SLIT2: variants seen among roughly 807,000 people sequenced by gnomAD.
SLIT2 encodes the protein slit guidance ligand 2, also known as slit homolog 2 protein.
SLIT2 carries 41 observed loss-of-function variants against 185.7 expected under a neutral mutation model. The observed-to-expected ratio is 0.22, with a 90% CI of 0.17 to 0.29. The LOEUF (loss-of-function observed/expected upper bound fraction) is 0.29. Ranked by LOEUF, SLIT2 falls within the 10% of genes least tolerant of loss-of-function variation. The pLI is 1.00. For synonymous variants in SLIT2, 693 were observed against 680.2 expected (o/e 1.02, Z -0.29); for missense variants, 1,571 against 1,909.0 (o/e 0.82, Z 3.30).
At chr4:20,545,458 CATATAT>C (rs3836701) in intron 21 of SLIT2, among the ~76,000 whole-genome samples, 16 of 147,988 alleles carry the variant, frequency 1.1e-4, no homozygotes, top group East Asian at 5.9e-4. Flanking sequence ...ATTGCTGTTA[CATATAT>C]ATATATATAT....
At chr4:20,519,231 CA>C in intron 11 of SLIT2, 150 bp from the exon 12 acceptor site, 2 of 619,788 alleles carry the variant, frequency 3.2e-6, no homozygotes. Flanking sequence ...AGGCAAAAGA[CA>C]TTTGCAAATG....
intron 9 of SLIT2, among the ~76,000 whole-genome samples, chr4:20,493,436 C>T (rs1248783310): frequency 2.0e-5 from 3 of 152,112 alleles, no homozygotes; most frequent in Non-Finnish European, 4.4e-5. Flanking sequence ...CCTAAAGGCA[C>T]CATTAATTTT....
At chr4:20,530,268 A>G (rs1200797802) in intron 16 of SLIT2, among the ~76,000 whole-genome samples, 13 of 151,826 alleles carry the variant, frequency 8.6e-5, no homozygotes, top group Non-Finnish European at 2.9e-5. Context: ...TTCCAGCACA[A>G]TAGTACTTTT....
chr4:20,445,746 G>A (rs1323904977), intron 4 of SLIT2, among the ~76,000 whole-genome samples: 1 of 152,150 alleles, frequency 6.6e-6, no homozygotes. Context: ...AAGAAACATT[G>A]CGGTAGTGGA....
chr4:20,420,789 A>G (rs1728114280), intron 4 of SLIT2, among the ~76,000 whole-genome samples: 1 of 152,078 alleles, frequency 6.6e-6, no homozygotes, highest in Non-Finnish European at 1.5e-5. Context: ...TAGATGAGGT[A>G]ATGGGCCAGG....
chr4:20,565,415 A>G (rs1219270606), intron 26 of SLIT2, among the ~76,000 whole-genome samples: 1 of 152,002 alleles, frequency 6.6e-6, no homozygotes, highest in Non-Finnish European at 1.5e-5. Context: ...TTGCTGACTC[A>G]TATATAACTT....
chr4:20,275,046 A>G (rs1358437626), intron 4 of SLIT2, among the ~76,000 whole-genome samples: 1 of 152,184 alleles, frequency 6.6e-6, no homozygotes, highest in African/African-American at 2.4e-5. Context: ...TCGTATACAC[A>G]TAATCAGGTA....
At chr4:20,441,665 G>T (rs1039923813) in intron 4 of SLIT2, among the ~76,000 whole-genome samples, 2 of 152,050 alleles carry the variant, frequency 1.3e-5, no homozygotes, top group Non-Finnish European at 2.9e-5. Context: ...TTAAGGCTGT[G>T]ATGGCCCTTG....
chr4:20,611,699 ATTATAT>A (rs1729235321), intron 34 of SLIT2, among the ~76,000 whole-genome samples: 1 of 152,176 alleles, frequency 6.6e-6, no homozygotes, highest in Non-Finnish European at 1.5e-5. Context: ...GAGAAAATAA[ATTATAT>A]TTATTGAGCA....
At chr4:20,429,991 T>G (rs9996985) in intron 4 of SLIT2, among the ~76,000 whole-genome samples, 36,023 of 152,114 alleles carry the variant, frequency 0.24, 4,410 homozygotes, top group Non-Finnish European at 0.27. Context: ...TAGTGCTTTT[T>G]AATAAAAACT....
At chr4:20,257,448 GT>G (rs1211563540) in intron 2 of SLIT2, among the ~76,000 whole-genome samples, 1 of 152,114 alleles carries the variant, frequency 6.6e-6, no homozygotes, top group East Asian at 1.9e-4. Context: ...ACACATTTTG[GT>G]CATTACAAAT....
intron 15 of SLIT2, among the ~76,000 whole-genome samples, chr4:20,525,408 C>T (rs1039656349): frequency 6.6e-6 from 1 of 152,008 alleles, no homozygotes; most frequent in Non-Finnish European, 1.5e-5. Context: ...TTTACTTTGG[C>T]GCATTATCTA....
intron 4 of SLIT2, among the ~76,000 whole-genome samples, chr4:20,352,235 G>T (rs1166440729): frequency 6.6e-6 from 1 of 152,008 alleles, no homozygotes; most frequent in East Asian, 1.9e-4. Context: ...AATGCATAAC[G>T]CTATTCATCA....
At chr4:20,266,073 C>A (rs1030793685) in intron 3 of SLIT2, among the ~76,000 whole-genome samples, 11 of 151,802 alleles carry the variant, frequency 7.2e-5, no homozygotes, top group African/African-American at 2.4e-4. Context: ...TCAATAGTGA[C>A]CATCACCTAG....
At chr4:20,346,291 G>T (rs995337186) in intron 4 of SLIT2, among the ~76,000 whole-genome samples, 1 of 152,096 alleles carries the variant, frequency 6.6e-6, no homozygotes, top group African/African-American at 2.4e-5. Context: ...CCATCACTCC[G>T]GGCCACTCTT....
chr4:20,501,799 G>A (rs1185013877), intron 9 of SLIT2, among the ~76,000 whole-genome samples: 9 of 152,146 alleles, frequency 5.9e-5, no homozygotes, highest in South Asian at 4.1e-4. Flanking sequence ...TTGTATATGC[G>A]TATCTTGAGC....
In SLIT2 at chr4:20,462,586, A is replaced by C. The variant is rs1467545932; in HGVS notation, c.396-5166A>C. Among the ~76,000 whole-genome samples, 4 of 152,182 alleles carry C rather than the reference A, an allele frequency of 2.6e-5. No individual in the cohort carries two copies. The East Asian group carries it at 7.7e-4, about 29-fold the overall frequency. On this transcript the variant is annotated intron_variant, in intron 4 of 36. Transcript: ENST00000504154. ...TTATTACGTAGTGTTCTCTAAAAAC[A>C]TTGCCTACTTCACTGGTGACCCACT...
chr4:20,463,612 C>T (rs1004027966), intron 4 of SLIT2, among the ~76,000 whole-genome samples: 2 of 149,400 alleles, frequency 1.3e-5, no homozygotes, highest in African/African-American at 2.5e-5. Flanking sequence ...CGGTGGTTCA[C>T]GCCTGTAATC....
chr4:20,476,737 G>A (rs1488077262), intron 5 of SLIT2, among the ~76,000 whole-genome samples: 1 of 152,070 alleles, frequency 6.6e-6, no homozygotes, highest in Non-Finnish European at 1.5e-5. Flanking sequence ...CCTAAGTGTT[G>A]TATATGTAAT....
Sources: gnomAD v4.1 joint callset for allele counts (sites outside exome capture counted in the v4.1 genomes callset) on GRCh38, gnomAD v4.1.1 for gene constraint, MANE v1.5 for transcripts, NCBI Gene and HGNC (gene_info 2026-07-23, HGNC 2026-07-21) for gene names.